IL17RD: variants seen among roughly 807,000 people sequenced by gnomAD.
IL17RD encodes the protein interleukin 17 receptor D.
A neutral mutation model predicts 80.5 loss-of-function variants in IL17RD; 52 were observed. The ratio of observed to expected loss-of-function variants is 0.65; its 90% CI spans 0.52 to 0.81. IL17RD has a LOEUF of 0.81. Among genes scored for constraint, IL17RD ranks in the 40% least tolerant of loss-of-function variants. The pLI, the probability that IL17RD is intolerant of heterozygous loss-of-function variation, is 0.00. For missense variants in IL17RD, 1,024 were observed against 955.1 expected, an observed-to-expected ratio of 1.07 and a Z score of -0.95; for synonymous variants, 416 against 391.8, an observed-to-expected ratio of 1.06 and a Z score of -0.73.
intron 1 of IL17RD, among the ~76,000 whole-genome samples, chr3:57,132,066 G>A (rs1370229489): frequency 2.0e-5 from 3 of 151,958 alleles, no homozygotes; most frequent in African/African-American, 7.3e-5. Flanking sequence ...CACACCTGTG[G>A]TCCCAGCTAC....
chr3:57,160,727 C>A (rs2060298271), intron 1 of IL17RD, among the ~76,000 whole-genome samples: 1 of 152,210 alleles, frequency 6.6e-6, no homozygotes, highest in African/African-American at 2.4e-5. Flanking sequence ...TGTGTGTTCT[C>A]CCCTTCTTTG....
upstream of IL17RD, among the ~76,000 whole-genome samples, chr3:57,170,052 T>G (rs531712439): frequency 1.3e-5 from 2 of 152,252 alleles, no homozygotes; most frequent in East Asian, 3.9e-4. Context: ...ACTCAGCTGA[T>G]TCCTCCAGAC....
chr3:57,156,454 A>G (rs2060267723), intron 1 of IL17RD, among the ~76,000 whole-genome samples: 1 of 152,016 alleles, frequency 6.6e-6, no homozygotes, highest in African/African-American at 2.4e-5. Context: ...AGTCCCAGCT[A>G]CTCGGGAGGC....
At chr3:57,102,295 GT>G (rs1166717400) in intron 10 of IL17RD, among the ~76,000 whole-genome samples, 183 bp downstream of exon 10, 1 of 151,890 alleles carries the variant, frequency 6.6e-6, no homozygotes, top group Non-Finnish European at 1.5e-5. Flanking sequence ...AATGATACCT[GT>G]TTTTTTTAGT....
At chr3:57,113,794 C>T (rs370475544) in intron 3 of IL17RD, among the ~76,000 whole-genome samples, 17 of 152,234 alleles carry the variant, frequency 1.1e-4, no homozygotes, top group African/African-American at 3.1e-4. Flanking sequence ...CCTCCCATCT[C>T]GGCCTCCCAA....
intron 12 of IL17RD, 55 bp from the exon 13 acceptor site, chr3:57,096,560 G>T: frequency 1.6e-6 from 2 of 1,234,908 alleles, no homozygotes; most frequent in Non-Finnish European, 2.4e-6. Context: ...ACTGGGCTGG[G>T]CAGGTGCTCA....
At chr3:57,164,761 C>G (rs928116525) in intron 1 of IL17RD, among the ~76,000 whole-genome samples, 4 of 152,202 alleles carry the variant, frequency 2.6e-5, no homozygotes, top group Non-Finnish European at 4.4e-5. Flanking sequence ...CCCCTTCCCT[C>G]TCCAAAGCGC....
chr3:57,127,333 TATAA>T lies in IL17RD; in HGVS notation c.127-7024_127-7021del, dbSNP rs1321985051. On this transcript the variant is annotated intron_variant, in intron 1 of 12. Transcript: ENST00000296318. The stretch of plus-strand genomic sequence containing the variant: ...ATATATAAAAATATATATAAATATA[TATAA>T]AAATATATATAAATATATATAAATA... Among the ~76,000 whole-genome samples the T allele has an allele frequency of 4.8e-3, 524 of 108,476 alleles. 28 individuals are homozygous for T. Among genetic ancestry groups the T allele is most frequent in the African/African-American group, 0.019 (445 of 23,606 alleles). The allele number at this position is 108,476 out of a possible 152,430, so 71.2% of individuals were successfully genotyped here. A position where few individuals can be genotyped will look rare whatever the true frequency, so the allele number is the denominator to read the frequency against.
chr3:57,098,280 A>C lies in IL17RD; in HGVS notation c.1423T>G (p.Phe475Val). 1 of 1,613,876 alleles carries C rather than the reference A, an allele frequency of 6.2e-7. No individual in the cohort carries two copies. The highest frequency in any genetic ancestry group is 1.1e-5 in the South Asian group (1 of 91,072). ...KQSSSAALSK[F>V]IAVYFDYSCE... ...GAATAATCAAAGTAGACGGCGATAA[A>C]CTTGCTGAGCGCCGCGGACGAACTC... is the stretch of plus-strand genomic sequence containing the variant. The change falls in exon 12 of 13, where the codon TTT (phenylalanine) becomes GTT (valine). Residue 475 changes from phenylalanine (F) to valine (V), a missense_variant. By Grantham distance (50) the Phe-to-Val change is conservative (BLOSUM62 -1). Transcript: ENST00000296318.
intron 1 of IL17RD, chr3:57,134,254 A>AG: frequency 1.5e-6 from 1 of 685,928 alleles, no homozygotes; most frequent in Non-Finnish European, 2.8e-6. Context: ...TTCCATCAGC[A>AG]GATCCAGAAG....
chr3:57,164,930 T>C, intron 1 of IL17RD: 1 of 1,262,728 alleles, frequency 7.9e-7, no homozygotes, highest in Non-Finnish European at 1.0e-6. Flanking sequence ...CCGCACCTCA[T>C]TAGCAACACA....
chr3:57,114,282 T>C (rs1446921820), intron 3 of IL17RD, among the ~76,000 whole-genome samples: 1 of 152,132 alleles, frequency 6.6e-6, no homozygotes, highest in Non-Finnish European at 1.5e-5. Context: ...AATCACAACA[T>C]GTGCCAATGC....
At chr3:57,099,738 C>CTT (rs1706783821) in intron 11 of IL17RD, among the ~76,000 whole-genome samples, 1 of 152,196 alleles carries the variant, frequency 6.6e-6, no homozygotes, top group Non-Finnish European at 1.5e-5. Context: ...TTCCAGGCAT[C>CTT]TTTCTTGGGA....
intron 1 of IL17RD, among the ~76,000 whole-genome samples, chr3:57,142,122 A>T (rs1707839944): frequency 6.6e-6 from 1 of 152,202 alleles, no homozygotes; most frequent in Admixed American, 6.5e-5. Context: ...GCACCTCTCA[A>T]AGACTTCAAG....
chr3:57,111,614 C>T (rs945747201), intron 3 of IL17RD, among the ~76,000 whole-genome samples: 2 of 152,188 alleles, frequency 1.3e-5, no homozygotes, highest in Admixed American at 1.3e-4. Context: ...CCCAGAATGA[C>T]TAGTTAACGA....
upstream of IL17RD, among the ~76,000 whole-genome samples, chr3:57,168,303 C>CACACCCACCCA (rs2060356253): frequency 6.6e-6 from 1 of 152,214 alleles, no homozygotes; most frequent in Non-Finnish European, 1.5e-5. Flanking sequence ...ACTCCTGCTC[C>CACACCCACCCA]CTTTCTGTCT....
chr3:57,136,772 C>T (rs1707740363), intron 1 of IL17RD, among the ~76,000 whole-genome samples: 1 of 151,960 alleles, frequency 6.6e-6, no homozygotes, highest in African/African-American at 2.4e-5. Context: ...CCAGATGTCT[C>T]AAGAGCTTGA....
Position 57,165,330 on chromosome 3 carries a change from G to T in IL17RD, c.-44C>A, listed in dbSNP as rs1373232196. The T allele has an allele frequency of 7.7e-6, 10 of 1,302,236 alleles. No homozygotes were observed. The highest frequency in any genetic ancestry group is 9.8e-6 in the Non-Finnish European group (10 of 1,021,004). 80.7% of individuals were successfully genotyped at this position (1,302,236 alleles called of 1,614,324 possible). On this transcript the variant is annotated 5_prime_UTR_variant, in exon 1 of 13. Coordinates refer to ENST00000296318, the MANE Select transcript of IL17RD (RefSeq NM_017563.5). Reference sequence around the variant, plus strand: ...CCAGGCCGTTCTCTGCGCCCCGGCCGCCCGCCGCTGGCCAGCCCCGAGTGG... The same window carrying T: ...CCAGGCCGTTCTCTGCGCCCCGGCCTCCCGCCGCTGGCCAGCCCCGAGTGG...
chr3:57,116,569 G>A (rs1262593437), intron 2 of IL17RD, among the ~76,000 whole-genome samples: 1 of 152,160 alleles, frequency 6.6e-6, no homozygotes, highest in African/African-American at 2.4e-5. Flanking sequence ...AGAGGCGTGA[G>A]CCACCATGCC....
Sources: allele counts gnomAD v4.1 joint callset (sites outside exome capture counted in the v4.1 genomes callset), GRCh38; gene constraint gnomAD v4.1.1; transcripts MANE v1.5; gene names NCBI Gene and HGNC (gene_info 2026-07-23, HGNC 2026-07-21).